LINGO2: variants seen among roughly 807,000 people sequenced by gnomAD.
LINGO2 encodes the protein leucine rich repeat and Ig domain containing 2, also known as leucine-rich repeat and immunoglobulin-like domain-containing nogo receptor-interacting protein 2.
LINGO2 carries 14 observed loss-of-function variants against 30.6 expected under a neutral mutation model. The observed-to-expected ratio is 0.46, with a 90% CI of 0.30 to 0.72. LINGO2 has a LOEUF of 0.72. LINGO2 is among the 30% of genes least tolerant of loss of function. The pLI, the probability that LINGO2 is intolerant of heterozygous loss-of-function variation, is 0.07. For synonymous variants in LINGO2, 317 were observed against 288.5 expected (o/e 1.10, Z -1.00); for missense variants, 729 against 751.7 (o/e 0.97, Z 0.35).
the LINGO2 span, among the ~76,000 whole-genome samples, chr9:28,783,994 A>G: frequency 6.6e-6 from 1 of 152,206 alleles, no homozygotes. Flanking sequence ...CTCTGTACTC[A>G]TAACCTAATT....
At chr9:28,758,946 T>C in the LINGO2 span, among the ~76,000 whole-genome samples, 1 of 152,124 alleles carries the variant, frequency 6.6e-6, no homozygotes, top group African/African-American at 2.4e-5. Flanking sequence ...AACAATATTT[T>C]CTTTTCTTTA....
chr9:28,870,018 A>C, the LINGO2 span, among the ~76,000 whole-genome samples: 5 of 151,962 alleles, frequency 3.3e-5, no homozygotes, highest in African/African-American at 1.2e-4. Flanking sequence ...AACACTTCAG[A>C]ATCAGAAAAA....
At chr9:28,033,063 G>C (rs531552364) in intron 4 of LINGO2, among the ~76,000 whole-genome samples, 17 of 152,266 alleles carry the variant, frequency 1.1e-4, no homozygotes, top group African/African-American at 3.6e-4. Context: ...ACAGAAGCCA[G>C]TACTGTTGCA....
Position 28,118,718 on chromosome 9 carries a change from T to C in LINGO2, c.-86-106313A>G, listed in dbSNP as rs149024283. Among the ~76,000 whole-genome samples the C allele has an allele frequency of 2.0e-5, 3 of 152,330 alleles. No individual in the cohort carries two copies. In the East Asian group the frequency reaches 5.8e-4, roughly 29 times the overall value. ...TATTACTGTAAAATTAACTTATGCTTCATAAGTGCTAATTATTTGTGCTGT... is the reference window on the plus strand; with the variant it reads ...TATTACTGTAAAATTAACTTATGCTCCATAAGTGCTAATTATTTGTGCTGT... On this transcript the variant is annotated intron_variant, in intron 4 of 5. Coordinates refer to ENST00000379992, the Ensembl canonical transcript of LINGO2.
chr9:28,302,717 A>T (rs1824195639), intron 3 of LINGO2, among the ~76,000 whole-genome samples: 1 of 152,184 alleles, frequency 6.6e-6, no homozygotes, highest in Non-Finnish European at 1.5e-5. Flanking sequence ...GGTAGTAGGG[A>T]TGAATCAAAA....
the LINGO2 span, among the ~76,000 whole-genome samples, chr9:28,976,683 T>C: frequency 3.9e-5 from 6 of 152,096 alleles, no homozygotes; most frequent in African/African-American, 7.2e-5. Context: ...ATATAAGATA[T>C]TGGTGTTAAC....
At chr9:28,513,424 TTTAGGGTACAGCTATATAATC>T in intron 1 of LINGO2, among the ~76,000 whole-genome samples, 1 of 152,234 alleles carries the variant, frequency 6.6e-6, no homozygotes, top group Non-Finnish European at 1.5e-5. Flanking sequence ...GATATAATTT[TTTAGGGTACAGCTATATAATC>T]TTAGTTTCTA....
At chr9:28,080,457 T>G (rs2133215312) in intron 4 of LINGO2, 1 of 152,336 alleles carries the variant, frequency 6.6e-6, no homozygotes. Context: ...TGAAATTCTC[T>G]GATCCCAGAT....
At chr9:28,111,258 T>G (rs3861021) in intron 4 of LINGO2, among the ~76,000 whole-genome samples, 150,631 of 152,142 alleles carry the variant, frequency 0.99, 74,590 homozygotes, top group Middle Eastern at 1. Flanking sequence ...CTACAGGAGG[T>G]ATAGCATTAG....
chr9:28,099,448 A>C (rs947808519), intron 4 of LINGO2, among the ~76,000 whole-genome samples: 1 of 152,132 alleles, frequency 6.6e-6, no homozygotes, highest in South Asian at 2.1e-4. Context: ...AGTGGAGAAG[A>C]AGCTTAGGCT....
At chr9:28,744,611 TGTGTGTGTGTGTG>T in the LINGO2 span, among the ~76,000 whole-genome samples, 2 of 134,008 alleles carry the variant, frequency 1.5e-5, no homozygotes, top group Non-Finnish European at 1.5e-5. Context: ...ATTCCCCTCG[TGTGTGTGTGTGTG>T]TGTGTGTGTG....
chr9:28,225,012 T>G (rs1326913996), intron 4 of LINGO2, among the ~76,000 whole-genome samples: 2 of 152,094 alleles, frequency 1.3e-5, no homozygotes, highest in African/African-American at 4.8e-5. Context: ...GAACATACCT[T>G]GAAGAAAGGA....
intron 1 of LINGO2, among the ~76,000 whole-genome samples, chr9:28,632,201 C>G (rs1826977112): frequency 6.6e-6 from 1 of 151,968 alleles, no homozygotes; most frequent in Admixed American, 6.6e-5. Flanking sequence ...ATGGCAAACT[C>G]AAGGAAGTGT....
chr9:28,504,408 T>G (rs1382069589), intron 1 of LINGO2, among the ~76,000 whole-genome samples: 1 of 151,578 alleles, frequency 6.6e-6, no homozygotes, highest in African/African-American at 2.4e-5. Context: ...CGTGGCATAA[T>G]GCTTCACAAG....
chr9:28,304,839 A>G (rs893243309), intron 3 of LINGO2, among the ~76,000 whole-genome samples: 2 of 152,104 alleles, frequency 1.3e-5, no homozygotes, highest in Non-Finnish European at 2.9e-5. Context: ...ATAACAAAAA[A>G]TAAAGCATGA....
the LINGO2 span, among the ~76,000 whole-genome samples, chr9:28,677,290 C>T: frequency 3.3e-5 from 5 of 152,054 alleles, no homozygotes; most frequent in African/African-American, 9.7e-5. Flanking sequence ...AACAATTGTG[C>T]GGACATGTTC....
chr9:29,011,184 T>C, the LINGO2 span, among the ~76,000 whole-genome samples: 2 of 152,188 alleles, frequency 1.3e-5, no homozygotes, highest in Admixed American at 1.3e-4. Context: ...TGTACATATA[T>C]AAAAATTAAT....
intron 1 of LINGO2, among the ~76,000 whole-genome samples, chr9:28,631,869 T>G (rs966077473): frequency 6.6e-6 from 1 of 152,186 alleles, no homozygotes; most frequent in Non-Finnish European, 1.5e-5. Context: ...CTTTTGGTCC[T>G]ATGAATTAAT....
At chr9:28,732,792 G>T in the LINGO2 span, among the ~76,000 whole-genome samples, 139 of 152,178 alleles carry the variant, frequency 9.1e-4, no homozygotes, top group Middle Eastern at 3.4e-3. Context: ...ATATCAATTA[G>T]CCATTAATCT....
Sources: gnomAD v4.1 joint callset for allele counts (sites outside exome capture counted in the v4.1 genomes callset) on GRCh38, gnomAD v4.1.1 for gene constraint, MANE v1.5 for transcripts, NCBI Gene and HGNC (gene_info 2026-07-23, HGNC 2026-07-21) for gene names.